Variants in CFAP45 observed in about 807,000 individuals in gnomAD.
CFAP45 encodes the protein cilia and flagella associated protein 45, also known as cilia- and flagella-associated protein 45.
A neutral mutation model predicts 75.6 loss-of-function variants in CFAP45; 43 were observed. The ratio of observed to expected loss-of-function variants is 0.57; its 90% confidence interval spans 0.45 to 0.73. The LOEUF (loss-of-function observed/expected upper bound fraction) is 0.73, where lower values mean the gene tolerates loss of function less well. Ranked by LOEUF, CFAP45 falls within the 30% of genes least tolerant of loss-of-function variation. The probability of loss-of-function intolerance (pLI) is 0.00; values close to 1 mark genes in which losing one functional copy is unlikely to be tolerated. For missense variants in CFAP45, 689 were observed against 701.5 expected (o/e 0.98, Z 0.20); for synonymous variants, 223 against 244.6 (o/e 0.91, Z 0.82).
Position 159,887,995 on chromosome 1 carries a change from C to G in CFAP45, c.434G>C (p.Arg145Pro), listed in dbSNP as rs140567807. ...KEATMDAVMTRKKIMKQKEMV... is the reference protein window; with the variant it reads ...KEATMDAVMTPKKIMKQKEMV... ...CTCCTTCTGTTTCATGATCTTCTTT[C>G]GTGTCATCACTGCATCCTAAGGGAG... Residue 145 changes from arginine to proline, a missense_variant, in exon 5 of 12, where the codon CGA becomes CCA. Arg to Pro is a moderately radical substitution (Grantham distance 103). Coordinates refer to ENST00000368099, the MANE Select transcript of CFAP45 (RefSeq NM_012337.3). 1 of 1,614,140 alleles carries G rather than the reference C, an allele frequency of 6.2e-7. No homozygotes were observed. The highest frequency in any genetic ancestry group is 8.5e-7 in the Non-Finnish European group (1 of 1,180,010).
chr1:159,877,380 T>C lies in CFAP45; in HGVS notation c.1127A>G (p.Gln376Arg). The change falls in exon 9 of 12, where the codon CAG (glutamine) becomes CGG (arginine). Residue 376 changes from glutamine to arginine, a missense_variant. Coordinates refer to ENST00000368099, the MANE Select transcript of CFAP45 (RefSeq NM_012337.3). ...TGCCTGGTAATCCTGGGCCTTCTCC[T>C]GCATGGCCCTCAAGCGTGCGATCTC... The part of the protein sequence containing the change: ...EKEIARLRAM[Q>R]EKAQDYQAEQ... 1.2e-6 allele frequency: 2 copies of C among 1,613,656 alleles called. No homozygotes were observed. Among genetic ancestry groups the C allele is most frequent in the Non-Finnish European group, 1.7e-6 (2 of 1,179,532 alleles).
intron 8 of CFAP45, among the ~76,000 whole-genome samples, chr1:159,878,782 ACCT>A (rs2101842670): frequency 7.1e-6 from 1 of 141,472 alleles, no homozygotes; most frequent in East Asian, 2.0e-4. Flanking sequence ...AAAAAAAAAA[ACCT>A]TCCTTGCCCT....
chr1:159,880,787 G>A, intron 7 of CFAP45, 87 bp from the exon 8 acceptor site: 2 of 1,311,440 alleles, frequency 1.5e-6, no homozygotes, highest in Middle Eastern at 1.9e-4. Context: ...TGCAGACAGA[G>A]GAGGGGGCAA....
intron 1 of CFAP45, among the ~76,000 whole-genome samples, 159 bp from the exon 2 acceptor site, chr1:159,893,464 A>G (rs917456377): frequency 5.9e-5 from 9 of 152,240 alleles, no homozygotes; most frequent in Non-Finnish European, 1.0e-4. Flanking sequence ...ATAGGGGACA[A>G]GGAGCAACAG....
At chr1:159,899,017 T>C (rs1282972524) in intron 1 of CFAP45, among the ~76,000 whole-genome samples, 2 of 152,194 alleles carry the variant, frequency 1.3e-5, no homozygotes, top group Admixed American at 1.3e-4. Context: ...AGTAGCAACC[T>C]TTGCCACCTG....
rs527298871 is a variant in CFAP45 at position 159,883,624 on chromosome 1, ATATATAT to A, written c.897+805_897+811del. Among the ~76,000 whole-genome samples, 4 of 128,704 alleles carry A rather than the reference ATATATAT, an allele frequency of 3.1e-5. No individual in the cohort carries two copies. In the East Asian group the frequency reaches 6.1e-4, roughly 20 times the overall value. The allele number at this position is 128,704 out of a possible 152,430, so 84.4% of individuals were successfully genotyped here. A position where few individuals can be genotyped will look rare whatever the true frequency, so the allele number is the denominator to read the frequency against. Reference sequence around the variant, plus strand: ...TACTTTCAAATAGTTTAACAATAAAATATATATATATATATATATATATATATATACA... The same window carrying A: ...TACTTTCAAATAGTTTAACAATAAAAATATATATATATATATATATATACA... On this transcript the variant is annotated intron_variant, in intron 7 of 11. Transcript: ENST00000368099.
At chr1:159,890,838 A>G (rs1028419451) in intron 2 of CFAP45, among the ~76,000 whole-genome samples, 2 of 144,098 alleles carry the variant, frequency 1.4e-5, no homozygotes, top group African/African-American at 2.6e-5. Flanking sequence ...GGCTCACTAC[A>G]ACCGCCACCT....
rs1286678736 is a variant in CFAP45 at position 159,880,608 on chromosome 1, C to A, written c.990G>T (p.Leu330=). 2 of 1,613,944 alleles carry A rather than the reference C, an allele frequency of 1.2e-6. No individual in the cohort carries two copies. The highest frequency in any genetic ancestry group is 1.7e-6 in the Non-Finnish European group (2 of 1,179,890). Residue 330 remains leucine, a synonymous_variant, in exon 8 of 12, where the codon CTG becomes CTT. Transcript: ENST00000368099. The part of the protein sequence containing the change: ...DENQKQKAEL[L]AQEKLADQMV... ...TCTGGTCTGCCAGCTTCTCCTGAGC[C>A]AGCAGTTCTGCTTTCTGTTTCTGGT... is the stretch of plus-strand genomic sequence containing the variant.
At chr1:159,873,637 A>T (rs1353541335) in intron 10 of CFAP45, among the ~76,000 whole-genome samples, 1 of 152,006 alleles carries the variant, frequency 6.6e-6, no homozygotes, top group East Asian at 1.9e-4. Flanking sequence ...CACCCAGCTA[A>T]TTTTTTGTTT....
intron 9 of CFAP45, 137 bp downstream of exon 9, chr1:159,877,212 T>C: frequency 2.7e-6 from 2 of 748,322 alleles, no homozygotes; most frequent in Non-Finnish European, 2.5e-6. Context: ...ACCCCTTCCT[T>C]CTCAGACTAC....
intron 7 of CFAP45, among the ~76,000 whole-genome samples, chr1:159,884,032 A>C (rs1649616002): frequency 6.6e-6 from 1 of 152,224 alleles, no homozygotes; most frequent in South Asian, 2.1e-4. Context: ...CTTTGAGTGA[A>C]GTAACAGCAG....
chr1:159,876,660 TG>T lies in CFAP45; in HGVS notation c.1247del (p.Thr416LysfsTer110), dbSNP rs1489284504. ...EKENARKKMETEAELRKSRLE... is the reference protein window; with the variant it reads ...EKENARKKMEXEAELRKSRLE... ...GCCGACTTTTTCGCAGCTCAGCCTC[TG>T]TTTCCATCTTCTTCCGCGCATTTTC... On this transcript the variant is annotated frameshift_variant, in exon 10 of 12. Transcript: ENST00000368099. LOFTEE classifies it high-confidence loss of function. 6.2e-7 allele frequency: 1 copy of T among 1,614,206 alleles called. No individual in the cohort carries two copies. The highest frequency in any genetic ancestry group is 1.3e-5 in the African/African-American group (1 of 75,054).
At position 159,880,683 on chromosome 1, in the gene CFAP45, C is replaced by T. The variant is rs1649528169; in HGVS notation, c.915G>A (p.Gln305=). 1 of 1,613,898 alleles carries T rather than the reference C, an allele frequency of 6.2e-7. No individual in the cohort carries two copies. Among genetic ancestry groups the T allele is most frequent in the South Asian group, 1.1e-5 (1 of 91,026 alleles). Residue 305 remains glutamine (Q), a synonymous_variant, in exon 8 of 12, where the codon CAG becomes CAA. Coordinates refer to ENST00000368099, the MANE Select transcript of CFAP45 (RefSeq NM_012337.3). ...EEDLKDMERR[Q]QQKLKMQAEI... ...CAGCTTGCATCTTCAGTTTTTGTTGCTGCCTTCGTTCCATGTCCTGCCAGC... is the reference window on the plus strand; with the variant it reads ...CAGCTTGCATCTTCAGTTTTTGTTGTTGCCTTCGTTCCATGTCCTGCCAGC...
chr1:159,882,706 TA>T (rs1194123159), intron 7 of CFAP45, among the ~76,000 whole-genome samples: 2 of 152,174 alleles, frequency 1.3e-5, no homozygotes, highest in Non-Finnish European at 1.5e-5. Flanking sequence ...AACATCAACA[TA>T]ATGGTGCTGA....
rs558380085 is a variant in CFAP45, at chr1:159,880,115, G to A, written c.1044+439C>T. ...ATATAGGTTCTTTGGTGGGAGATGGGGGAAGACTATTTTCTGAGTCTAGCA... is the reference window on the plus strand; with the variant it reads ...ATATAGGTTCTTTGGTGGGAGATGGAGGAAGACTATTTTCTGAGTCTAGCA... On this transcript the variant is annotated intron_variant, in intron 8 of 11. Coordinates refer to ENST00000368099, the MANE Select transcript of CFAP45 (RefSeq NM_012337.3). Among the ~76,000 whole-genome samples the A allele has an allele frequency of 9.9e-5, 15 of 152,246 alleles. No individual in the cohort carries two copies. In the South Asian group the frequency reaches 3.1e-3, roughly 32 times the overall value.
At position 159,872,568 on chromosome 1, in the gene CFAP45, C is replaced by A. The variant is rs188153607; in HGVS notation, c.1578-5G>T. 1.9e-4 allele frequency: 310 copies of A among 1,613,514 alleles called. No homozygotes were observed. In the Middle Eastern group the frequency reaches 3.3e-3, roughly 17 times the overall value. ...TTCTCGGGAAGGCCAGTGGCTCTGC[C>A]GGGGAAACGCAGGCAGGTATAAGGA... is the stretch of plus-strand genomic sequence containing the variant. On this transcript the variant is annotated splice_polypyrimidine_tract_variant and splice_region_variant and intron_variant, in intron 11 of 11. Transcript: ENST00000368099.
At chr1:159,895,613 G>A (rs781076170) in intron 1 of CFAP45, among the ~76,000 whole-genome samples, 37 of 152,198 alleles carry the variant, frequency 2.4e-4, no homozygotes, top group Non-Finnish European at 3.5e-4. Context: ...CCTCTACAGC[G>A]TCAGCCAGCC....
In CFAP45 at chr1:159,888,033, C is replaced by G. The variant is rs1455610101; in HGVS notation, c.418-22G>C. The G allele has an allele frequency of 3.1e-6, 5 of 1,610,056 alleles. No homozygotes were observed. In the African/African-American group the frequency reaches 6.7e-5, roughly 22 times the overall value. On this transcript the variant is annotated intron_variant, in intron 4 of 11. Coordinates refer to ENST00000368099, the MANE Select transcript of CFAP45 (RefSeq NM_012337.3). The stretch of plus-strand genomic sequence containing the variant: ...CATCCTAAGGGAGACCAGTCTGGCT[C>G]AGTGGGAGATTATTTCATGCGCTCT...
chr1:159,892,731 C>T (rs1649857758), intron 2 of CFAP45, among the ~76,000 whole-genome samples: 1 of 152,160 alleles, frequency 6.6e-6, no homozygotes, highest in South Asian at 2.1e-4. Flanking sequence ...TGCTCGTTTC[C>T]CAAAGCTAAG....
Sources: gnomAD v4.1 joint callset for allele counts (sites outside exome capture counted in the v4.1 genomes callset) on GRCh38, gnomAD v4.1.1 for gene constraint, MANE v1.5 for transcripts, NCBI Gene and HGNC (gene_info 2026-07-23, HGNC 2026-07-21) for gene names.